Variants in LRRIQ1 observed in about 807,000 individuals in gnomAD.
The protein encoded by LRRIQ1 is leucine rich repeats and IQ motif containing 1, also known as leucine-rich repeat- and IQ domain-containing protein 1.
Under a neutral mutation model 211.9 loss-of-function variants are expected in LRRIQ1, and 210 were observed. That is an observed-to-expected ratio of 0.99 (90% CI 0.89 to 1.11). LRRIQ1 has a LOEUF of 1.11. Among genes scored for constraint, LRRIQ1 ranks in the 50% most tolerant of loss-of-function variants. The pLI is 0.00. For missense variants in LRRIQ1, 2,136 were observed against 1,939.5 expected (o/e 1.10, Z -1.90); for synonymous variants, 699 against 650.1 (o/e 1.08, Z -1.14).
At chr12:85,137,772 C>A in intron 18 of LRRIQ1, 78 bp from the exon 19 acceptor site, 5 of 1,213,142 alleles carry the variant, frequency 4.1e-6, no homozygotes, top group Non-Finnish European at 3.3e-6. Context: ...GTTTTATCTT[C>A]CTAATGGGAT....
intron 24 of LRRIQ1, among the ~76,000 whole-genome samples, chr12:85,197,996 ATATAACATATATAATATATTATATTAT>A (rs1893053453): frequency 1.7e-5 from 1 of 59,464 alleles, no homozygotes; most frequent in African/African-American, 5.9e-5. Flanking sequence ...TATATATTAT[ATATAACATATATAATATATTATATTAT>A]TATATATAAC....
chr12:85,056,930 G>T lies in LRRIQ1; in HGVS notation c.2137G>T (p.Glu713Ter). The T allele has an allele frequency of 6.2e-7, 1 of 1,612,728 alleles. No individual in the cohort carries two copies. Among genetic ancestry groups the T allele is most frequent in the Non-Finnish European group, 8.5e-7 (1 of 1,179,344 alleles). Residue 713 changes from glutamate (E) to a stop codon, truncating the protein, a stop_gained, in exon 8 of 27, where the codon GAA (glutamate) becomes TAA (stop). Transcript: ENST00000393217. LOFTEE classifies it high-confidence loss of function. ...TAAATCTGAGATTAGAAATATTTCA[G>T]AAAAATGCCATGAAAATGCACCTGA... Reference protein sequence around the residue: ...SLKSEIRNISEKCHENAPEPD... With the variant: ...SLKSEIRNIS
At chr12:85,173,807 G>T (rs760992629) in intron 24 of LRRIQ1, among the ~76,000 whole-genome samples, 9 of 152,066 alleles carry the variant, frequency 5.9e-5, no homozygotes, top group Non-Finnish European at 1.2e-4. Context: ...TTGGGGGTTA[G>T]GGTTTCAACG....
At chr12:85,177,278 C>A (rs1891754185) in intron 24 of LRRIQ1, among the ~76,000 whole-genome samples, 1 of 152,036 alleles carries the variant, frequency 6.6e-6, no homozygotes, top group South Asian at 2.1e-4. Context: ...TGATCAATGA[C>A]ATAAACACAA....
intron 26 of LRRIQ1, among the ~76,000 whole-genome samples, chr12:85,242,374 C>A (rs1448189261): frequency 1.3e-5 from 2 of 151,554 alleles, no homozygotes; most frequent in African/African-American, 4.8e-5. Context: ...TAGAGTATAA[C>A]AACTATTTAT....
At chr12:85,126,809 T>TTCCCAGAAATGTATTACTATGA (rs1888399401) in intron 17 of LRRIQ1, among the ~76,000 whole-genome samples, 1 of 149,878 alleles carries the variant, frequency 6.7e-6, no homozygotes, top group African/African-American at 2.4e-5. Flanking sequence ...CCTTTCTAAT[T>TTCCCAGAAATGTATTACTATGA]TCCCAGAAAT....
intron 1 of LRRIQ1, among the ~76,000 whole-genome samples, chr12:85,259,876 A>G (rs1285355779): frequency 5.3e-5 from 8 of 152,088 alleles, no homozygotes; most frequent in Non-Finnish European, 1.2e-4. Context: ...AAGATTCATC[A>G]GCAGCTTCAA....
At chr12:85,119,209 T>C (rs1887802483) in intron 15 of LRRIQ1, among the ~76,000 whole-genome samples, 1 of 152,166 alleles carries the variant, frequency 6.6e-6, no homozygotes, top group African/African-American at 2.4e-5. Context: ...GATCTTACTG[T>C]CTAAATAGTT....
At chr12:85,066,709 C>T in intron 9 of LRRIQ1, 39 bp from the exon 10 acceptor site, 1 of 1,514,810 alleles carries the variant, frequency 6.6e-7, no homozygotes, top group South Asian at 1.2e-5. Flanking sequence ...ATTAATAAGC[C>T]ATTGAAATAA....
intron 19 of LRRIQ1, among the ~76,000 whole-genome samples, chr12:85,142,831 A>G (rs1889638271): frequency 6.6e-6 from 1 of 151,376 alleles, no homozygotes; most frequent in African/African-American, 2.4e-5. Flanking sequence ...ATAATTTTCC[A>G]TTGTGTATTT....
Position 85,121,865 on chromosome 12 carries a change from A to G in LRRIQ1, c.3546A>G (p.Ile1182Met), listed in dbSNP as rs1461413215. The G allele has an allele frequency of 1.2e-6, 2 of 1,603,680 alleles. No individual in the cohort carries two copies. Among genetic ancestry groups the G allele is most frequent in the East Asian group, 2.2e-5 (1 of 44,548 alleles). ...TCAACTTGCTAATTGAAAATTATAT[A>G]ACTGGAAAAGGGTAAGATTGTGATC... ...REFNLLIENY[I>M]TGKGDVFTLD... The change falls in exon 16 of 27, where the codon ATA becomes ATG. Residue 1182 changes from isoleucine (I) to methionine (M), a missense_variant. Ile to Met is a conservative substitution (Grantham distance 10). Transcript: ENST00000393217.
In LRRIQ1 at chr12:85,089,989, C is replaced by T. The variant is rs564586276; in HGVS notation, c.2888-8366C>T. On this transcript the variant is annotated intron_variant, in intron 11 of 26. Coordinates refer to ENST00000393217, the MANE Select transcript of LRRIQ1 (RefSeq NM_001079910.2). ...TAGGAGGACTGAATGGTTTCCTCAG[C>T]GAGGCCAAGGGCCCCACTGCCCTGT... 3.5e-4 allele frequency among the ~76,000 whole-genome samples: 54 copies of T among 152,328 alleles called. 1 individual carries two copies. The South Asian group carries it at 8.5e-3, about 24-fold the overall frequency.
intron 17 of LRRIQ1, among the ~76,000 whole-genome samples, chr12:85,125,298 A>G (rs886549404): frequency 1.3e-5 from 2 of 152,218 alleles, no homozygotes; most frequent in South Asian, 2.1e-4. Context: ...TGTATGTGCT[A>G]TAGTTTTTTG....
intron 24 of LRRIQ1, among the ~76,000 whole-genome samples, chr12:85,193,101 T>C (rs891559169): frequency 8.2e-6 from 1 of 122,516 alleles, no homozygotes; most frequent in Non-Finnish European, 1.6e-5. Flanking sequence ...TATATATTTA[T>C]ATATAATTAT....
At chr12:85,078,502 C>T (rs985769826) in intron 11 of LRRIQ1, among the ~76,000 whole-genome samples, 1 of 152,026 alleles carries the variant, frequency 6.6e-6, no homozygotes, top group African/African-American at 2.4e-5. Flanking sequence ...AAGTGTGGTA[C>T]TGATAATATT....
chr12:85,048,015 T>G (rs1417921776), intron 6 of LRRIQ1: 1 of 153,324 alleles, frequency 6.5e-6, no homozygotes, highest in East Asian at 1.9e-4. Flanking sequence ...ATCCACACAA[T>G]CAGATCATAG....
chr12:85,036,920 G>C (rs1340866589), intron 1 of LRRIQ1, among the ~76,000 whole-genome samples: 1 of 152,004 alleles, frequency 6.6e-6, no homozygotes, highest in Non-Finnish European at 1.5e-5. Flanking sequence ...CCCATTTACA[G>C]TGAGACCCAT....
chr12:85,072,941 C>CAAT lies in LRRIQ1; in HGVS notation c.2731_2733dup (p.Asn911dup), dbSNP rs1565808696. The CAAT allele has an allele frequency of 6.2e-7, 1 of 1,609,798 alleles. No homozygotes were observed. Among genetic ancestry groups the CAAT allele is most frequent in the South Asian group, 1.1e-5 (1 of 90,514 alleles). On this transcript the variant is annotated inframe_insertion, in exon 11 of 27. Transcript: ENST00000393217. Reference sequence around the variant, plus strand: ...TCTTTCTGGAAGAAAAACTTGTTGACAATGCAGGGTTCTGCCATCACTTGG... The same window carrying CAAT: ...TCTTTCTGGAAGAAAAACTTGTTGACAATAATGCAGGGTTCTGCCATCACTTGG...
intron 26 of LRRIQ1, among the ~76,000 whole-genome samples, chr12:85,238,106 G>A (rs1229899459): frequency 6.6e-6 from 1 of 151,472 alleles, no homozygotes; most frequent in Non-Finnish European, 1.5e-5. Context: ...ATCTAGAACT[G>A]CAAACTATTT....
Sources: gnomAD v4.1 joint callset for allele counts (sites outside exome capture counted in the v4.1 genomes callset) on GRCh38, gnomAD v4.1.1 for gene constraint, MANE v1.5 for transcripts, NCBI Gene and HGNC (gene_info 2026-07-23, HGNC 2026-07-21) for gene names.